Variants in RANBP2 observed in about 807,000 individuals in gnomAD.
RANBP2 encodes E3 SUMO-protein ligase RanBP2.
Under a neutral mutation model 303.6 loss-of-function variants are expected in RANBP2, and 57 were observed. That is an observed-to-expected ratio of 0.19 (90% CI 0.15 to 0.23). The LOEUF is 0.23. RANBP2 is among the 10% of genes least tolerant of loss of function. RANBP2 has a pLI of 1.00. For missense variants in RANBP2, 3,138 were observed against 3,780.8 expected, an observed-to-expected ratio of 0.83 and a Z score of 4.46; for synonymous variants, 1,167 against 1,301.5, an observed-to-expected ratio of 0.90 and a Z score of 2.23.
At chr2:109,615,086 G>A in the RANBP2 span, 1,540 of 1,549,564 alleles carry the variant, frequency 9.9e-4, 17 homozygotes, top group African/African-American at 0.019. Flanking sequence ...CCGCACAGAG[G>A]CCGGCCCGCC....
the RANBP2 span, among the ~76,000 whole-genome samples, chr2:108,973,735 T>C: frequency 6.6e-6 from 1 of 152,188 alleles, no homozygotes; most frequent in African/African-American, 2.4e-5. Context: ...CCTGGAAATT[T>C]TTTGGCTGGA....
At chr2:108,909,638 C>G in the RANBP2 span, among the ~76,000 whole-genome samples, 1 of 152,154 alleles carries the variant, frequency 6.6e-6, no homozygotes, top group Non-Finnish European at 1.5e-5. Flanking sequence ...GAGCACATTG[C>G]CTGGCTGGGA....
At chr2:109,458,525 G>T in the RANBP2 span, among the ~76,000 whole-genome samples, 1 of 140,684 alleles carries the variant, frequency 7.1e-6, no homozygotes, top group Non-Finnish European at 1.5e-5. Context: ...ATTAATTATT[G>T]GTTTGTATCA....
At chr2:109,765,352 A>G in the RANBP2 span, among the ~76,000 whole-genome samples, 5 of 149,940 alleles carry the variant, frequency 3.3e-5, no homozygotes, top group Non-Finnish European at 7.4e-5. Flanking sequence ...TGTGTGATAC[A>G]CTTGGATATT....
chr2:109,137,136 A>G, the RANBP2 span, among the ~76,000 whole-genome samples: 2 of 152,328 alleles, frequency 1.3e-5, no homozygotes, highest in East Asian at 1.9e-4. Context: ...ACATGTGTCT[A>G]TATCTTTTTA....
the RANBP2 span, among the ~76,000 whole-genome samples, chr2:109,025,087 A>C: frequency 6.6e-6 from 1 of 152,194 alleles, no homozygotes; most frequent in African/African-American, 2.4e-5. Flanking sequence ...ATTCTAGATA[A>C]TTTATATACA....
At chr2:108,866,110 G>A in the RANBP2 span, among the ~76,000 whole-genome samples, 2 of 152,156 alleles carry the variant, frequency 1.3e-5, no homozygotes, top group Admixed American at 1.3e-4. Context: ...TGGGATGCAG[G>A]AGCCTCTTAA....
chr2:108,752,964 C>T (rs759449130), intron 12 of RANBP2, 34 bp from the exon 13 acceptor site: 1 of 1,605,490 alleles, frequency 6.2e-7, no homozygotes, highest in South Asian at 1.1e-5. Context: ...ATGCGTGTTC[C>T]TTAAAGTTGT....
the RANBP2 span, among the ~76,000 whole-genome samples, chr2:109,337,444 G>A: frequency 1.3e-5 from 2 of 152,160 alleles, no homozygotes; most frequent in African/African-American, 4.8e-5. Context: ...CCACCCCCTC[G>A]CATATGGCGA....
chr2:109,215,166 G>C, the RANBP2 span, among the ~76,000 whole-genome samples: 452 of 152,264 alleles, frequency 3.0e-3, 3 homozygotes, highest in African/African-American at 0.01. Flanking sequence ...CTCTCTCTCT[G>C]AGCATTGCTC....
At chr2:109,706,844 C>A in the RANBP2 span, among the ~76,000 whole-genome samples, 1 of 152,180 alleles carries the variant, frequency 6.6e-6, no homozygotes, top group African/African-American at 2.4e-5. Context: ...GGGTGCCCAG[C>A]GGGTTGCCCC....
At chr2:108,888,514 A>AT in the RANBP2 span, among the ~76,000 whole-genome samples, 2 of 151,312 alleles carry the variant, frequency 1.3e-5, no homozygotes, top group Middle Eastern at 3.4e-3. Context: ...TTGTTGGGTA[A>AT]TTTTTTTATT....
At chr2:109,165,621 AGAGCAC>A in the RANBP2 span, among the ~76,000 whole-genome samples, 1 of 152,220 alleles carries the variant, frequency 6.6e-6, no homozygotes, top group Admixed American at 6.5e-5. Flanking sequence ...ACTCTGCCTT[AGAGCAC>A]TGTGCTGCAC....
the RANBP2 span, chr2:109,614,947 G>A: frequency 6.6e-7 from 1 of 1,520,922 alleles, no homozygotes; most frequent in Admixed American, 2.0e-5. Context: ...GCCGGGGCTC[G>A]CAGGAAGAAC....
chr2:109,347,961 C>A, the RANBP2 span: 1 of 1,588,794 alleles, frequency 6.3e-7, no homozygotes, highest in South Asian at 1.1e-5. Context: ...TAAGGTGAGC[C>A]CCGGGGTGGG....
rs771128137 is a variant in RANBP2 at position 108,748,987 on chromosome 2, C to T, written c.1131C>T (p.Ala377=). ...DFLKEIVETF[A]NKSGQSALYD... ...TAAAAGAGATTGTTGAAACTTTTGC[C>T]AACAAAAGCGGGCAGTCTGCATTAT... Residue 377 remains alanine (A), a synonymous_variant, in exon 9 of 29, where the codon GCC becomes GCT. Coordinates refer to ENST00000283195, the MANE Select transcript of RANBP2 (RefSeq NM_006267.5). 1 of 1,611,802 alleles carries T rather than the reference C, an allele frequency of 6.2e-7. No homozygotes were observed. Among genetic ancestry groups the T allele is most frequent in the South Asian group, 1.1e-5 (1 of 90,984 alleles).
chr2:109,367,366 C>A, the RANBP2 span, among the ~76,000 whole-genome samples: 31 of 152,186 alleles, frequency 2.0e-4, no homozygotes, highest in African/African-American at 7.2e-4. Flanking sequence ...ACTGCAACCT[C>A]TGCCTCCTGG....
At chr2:109,504,230 C>T in the RANBP2 span, 1 of 152,236 alleles carries the variant, frequency 6.6e-6, no homozygotes, top group Non-Finnish European at 1.5e-5. Context: ...ATCCTGGCCC[C>T]ATGATGTACA....
the RANBP2 span, among the ~76,000 whole-genome samples, chr2:109,450,010 G>A: frequency 1.3e-5 from 2 of 152,122 alleles, no homozygotes; most frequent in Non-Finnish European, 2.9e-5. Context: ...TGGCTGGTGT[G>A]TTTTTTAGCT....
Sources: gnomAD v4.1 joint callset for allele counts (sites outside exome capture counted in the v4.1 genomes callset) on GRCh38, gnomAD v4.1.1 for gene constraint, MANE v1.5 for transcripts, NCBI Gene and HGNC (gene_info 2026-07-23, HGNC 2026-07-21) for gene names.